LRRTM4: variants seen among roughly 807,000 people sequenced by gnomAD.
LRRTM4 encodes leucine-rich repeat transmembrane neuronal protein 4.
LRRTM4 carries 25 observed loss-of-function variants against 47.6 expected under a neutral mutation model. That is an observed-to-expected ratio of 0.53 (90% confidence interval 0.38 to 0.73). The LOEUF is 0.73. Among genes scored for constraint, LRRTM4 ranks in the 30% least tolerant of loss-of-function variants. The pLI, the probability that LRRTM4 is intolerant of heterozygous loss-of-function variation, is 0.00. For synonymous variants in LRRTM4, 311 were observed against 269.5 expected, an observed-to-expected ratio of 1.15 and a Z score of -1.51; for missense variants, 638 against 713.4, an observed-to-expected ratio of 0.89 and a Z score of 1.20.
intron 3 of LRRTM4, among the ~76,000 whole-genome samples, chr2:77,513,579 GTTTAT>G (rs961210348): frequency 3.1e-5 from 3 of 96,360 alleles, no homozygotes; most frequent in African/African-American, 7.4e-5. Flanking sequence ...TATTTTATTT[GTTTAT>G]TTTGAGATGA....
intron 3 of LRRTM4, among the ~76,000 whole-genome samples, chr2:76,765,546 G>C (rs774290756): frequency 6.6e-6 from 1 of 152,118 alleles, no homozygotes; most frequent in Non-Finnish European, 1.5e-5. Flanking sequence ...ACTAGAATTA[G>C]TGCCCTTAAC....
intron 3 of LRRTM4, among the ~76,000 whole-genome samples, chr2:77,377,309 T>A (rs1256320310): frequency 6.6e-6 from 1 of 151,946 alleles, no homozygotes; most frequent in African/African-American, 2.4e-5. Context: ...AAATTTTCTA[T>A]GTTTTTATTT....
At chr2:77,473,593 A>C (rs1677272406) in intron 3 of LRRTM4, among the ~76,000 whole-genome samples, 1 of 152,072 alleles carries the variant, frequency 6.6e-6, no homozygotes, top group Non-Finnish European at 1.5e-5. Flanking sequence ...GACACAGAAC[A>C]CCTTCTACTC....
At chr2:77,023,767 C>A (rs1678355411) in intron 3 of LRRTM4, among the ~76,000 whole-genome samples, 1 of 152,188 alleles carries the variant, frequency 6.6e-6, no homozygotes, top group Admixed American at 6.5e-5. Flanking sequence ...TAGGGAGTTG[C>A]AAACTTTCCC....
chr2:76,991,547 A>G (rs1408184146), intron 3 of LRRTM4, among the ~76,000 whole-genome samples: 2 of 151,800 alleles, frequency 1.3e-5, no homozygotes, highest in African/African-American at 4.8e-5. Context: ...AATTTATAAC[A>G]AATTCCTTGA....
intron 3 of LRRTM4, among the ~76,000 whole-genome samples, chr2:77,300,292 T>C (rs1003693680): frequency 7.9e-5 from 12 of 152,200 alleles, no homozygotes; most frequent in African/African-American, 2.7e-4. Flanking sequence ...ACTGCTATCA[T>C]AGCTATAACA....
At chr2:76,957,631 T>C (rs890766296) in intron 3 of LRRTM4, among the ~76,000 whole-genome samples, 2 of 151,764 alleles carry the variant, frequency 1.3e-5, no homozygotes, top group African/African-American at 4.8e-5. Flanking sequence ...GATTATCATA[T>C]TTGACTGTCC....
At chr2:77,132,631 G>A (rs1293994467) in intron 3 of LRRTM4, among the ~76,000 whole-genome samples, 1 of 152,198 alleles carries the variant, frequency 6.6e-6, no homozygotes, top group Non-Finnish European at 1.5e-5. Context: ...GACACGTGCT[G>A]TGTCCTCACA....
chr2:77,034,335 T>G lies in LRRTM4; in HGVS notation c.1552-285419A>C, dbSNP rs530975585. Among the ~76,000 whole-genome samples, 8 of 152,104 alleles carry G rather than the reference T, an allele frequency of 5.3e-5. No homozygotes were observed. In the South Asian group the frequency reaches 1.7e-3, roughly 32 times the overall value. ...CAAGTGTCTCAATTCAATCACAACT[T>G]CTTCCTTCTCTGCAAGATTAAATTG... On this transcript the variant is annotated intron_variant, in intron 3 of 3. Transcript: ENST00000409884.
chr2:76,843,797 T>C (rs1455043190), intron 3 of LRRTM4, among the ~76,000 whole-genome samples: 1 of 152,182 alleles, frequency 6.6e-6, no homozygotes, highest in Non-Finnish European at 1.5e-5. Flanking sequence ...ATACTACTTA[T>C]ATGTATCTTC....
chr2:76,982,877 T>C (rs902983802), intron 3 of LRRTM4, among the ~76,000 whole-genome samples: 1 of 152,036 alleles, frequency 6.6e-6, no homozygotes, highest in Non-Finnish European at 1.5e-5. Flanking sequence ...GAGTCACAAT[T>C]TATATTAAAA....
chr2:77,241,315 GAA>G (rs1388295618), intron 3 of LRRTM4, among the ~76,000 whole-genome samples: 1 of 151,780 alleles, frequency 6.6e-6, no homozygotes, highest in Non-Finnish European at 1.5e-5. Flanking sequence ...TATTTGAATG[GAA>G]AGAGAACAGA....
intron 3 of LRRTM4, among the ~76,000 whole-genome samples, chr2:76,779,001 C>A (rs1476256249): frequency 1.5e-5 from 2 of 135,922 alleles, no homozygotes; most frequent in Non-Finnish European, 3.1e-5. Flanking sequence ...CTTATTTGTG[C>A]CTTCATTTCG....
intron 3 of LRRTM4, among the ~76,000 whole-genome samples, chr2:77,481,414 G>T (rs1365726493): frequency 6.6e-6 from 1 of 152,140 alleles, no homozygotes; most frequent in African/African-American, 2.4e-5. Flanking sequence ...CAATACATTA[G>T]TCTCCCCTGC....
At chr2:77,078,587 T>C (rs1680427868) in intron 3 of LRRTM4, among the ~76,000 whole-genome samples, 1 of 152,220 alleles carries the variant, frequency 6.6e-6, no homozygotes, top group Non-Finnish European at 1.5e-5. Flanking sequence ...TAAGCTGTCA[T>C]GATTTATGGT....
chr2:76,789,630 A>G (rs1469088302), intron 3 of LRRTM4, among the ~76,000 whole-genome samples: 1 of 151,940 alleles, frequency 6.6e-6, no homozygotes, highest in East Asian at 1.9e-4. Flanking sequence ...GGTCAAACCT[A>G]CTCCATGGTT....
In LRRTM4 at chr2:77,078,370, ACACACACACC is replaced by A. The variant is rs531801060; in HGVS notation, c.1552-329464_1552-329455del. Among the ~76,000 whole-genome samples the A allele has an allele frequency of 9.9e-3, 1,179 of 119,578 alleles. 6 individuals are homozygous for A. Among genetic ancestry groups the A allele is most frequent in the South Asian group, 0.028 (108 of 3,808 alleles). The allele number at this position is 119,578 out of a possible 152,430, so 78.4% of individuals were successfully genotyped here. On this transcript the variant is annotated intron_variant, in intron 3 of 3. Transcript: ENST00000409884. ...ATTGAAAAAAATATGTTTGTCTATT[ACACACACACC>A]CACACACACACACACACACACACAC...
intron 3 of LRRTM4, among the ~76,000 whole-genome samples, chr2:77,083,617 C>A (rs1558569582): frequency 1.3e-5 from 2 of 151,896 alleles, no homozygotes; most frequent in Admixed American, 6.6e-5. Flanking sequence ...CCTGGAAATA[C>A]TAGATATTCA....
Position 77,519,405 on chromosome 2 carries a change from C to A in LRRTM4, c.464G>T (p.Gly155Val). Reference protein sequence around the residue: ...LQTLQSEQFKGLRKLIILHLR... With the variant: ...LQTLQSEQFKVLRKLIILHLR... ...GTGCAAAATGATGAGTTTCCGAAGG[C>A]CTTTAAATTGTTCAGATTGCAATGT... The change falls in exon 3 of 4, where the codon GGC (glycine) becomes GTC (valine). Residue 155 changes from glycine (G) to valine (V), a missense_variant. By Grantham distance (109) the Gly-to-Val change is moderately radical. Coordinates refer to ENST00000409884, the MANE Select transcript of LRRTM4 (RefSeq NM_001134745.3). The surrounding 1 kb of genome is among the most constrained non-coding windows in gnomAD (Gnocchi z 4.6). The A allele has an allele frequency of 6.2e-7, 1 of 1,613,326 alleles. No homozygotes were observed. The highest frequency in any genetic ancestry group is 8.5e-7 in the Non-Finnish European group (1 of 1,179,604).
Sources: gnomAD v4.1 joint callset for allele counts (sites outside exome capture counted in the v4.1 genomes callset) on GRCh38, gnomAD v4.1.1 for gene constraint, Gnocchi (gnomAD v3.1) non-coding constraint, MANE v1.5 for transcripts, NCBI Gene and HGNC (gene_info 2026-07-23, HGNC 2026-07-21) for gene names.